Variants in NTRK3 observed in about 807,000 individuals in gnomAD.
NTRK3 encodes the protein NT-3 growth factor receptor.
Under a neutral mutation model 91.7 loss-of-function variants are expected in NTRK3, and 24 were observed. The ratio of observed to expected loss-of-function variants is 0.26; its 90% confidence interval spans 0.19 to 0.37. The LOEUF (loss-of-function observed/expected upper bound fraction) is 0.37, where lower values mean the gene tolerates loss of function less well. Among genes scored for constraint, NTRK3 ranks in the 10% least tolerant of loss-of-function variants. The probability of loss-of-function intolerance (pLI) is 1.00; values close to 1 mark genes in which losing one functional copy is unlikely to be tolerated. For synonymous variants in NTRK3, 483 were observed against 404.0 expected (o/e 1.20, Z -2.34); for missense variants, 880 against 1,068.9 (o/e 0.82, Z 2.46).
intron 5 of NTRK3, among the ~76,000 whole-genome samples, chr15:88,175,286 C>G (rs1277115895): frequency 6.6e-6 from 1 of 152,162 alleles, no homozygotes; most frequent in Non-Finnish European, 1.5e-5. Flanking sequence ...ACAGTAACAT[C>G]CTTTGCCCCA....
chr15:88,000,280 T>C (rs1446068446), intron 14 of NTRK3, among the ~76,000 whole-genome samples: 1 of 152,230 alleles, frequency 6.6e-6, no homozygotes, highest in Non-Finnish European at 1.5e-5. Context: ...ACTGTCATGC[T>C]GGCCCCAGCC....
chr15:87,962,177 G>T (rs1215611494), intron 14 of NTRK3, among the ~76,000 whole-genome samples: 2 of 152,150 alleles, frequency 1.3e-5, no homozygotes, highest in African/African-American at 4.8e-5. Context: ...TGTTGCCATT[G>T]GATCTTGATC....
At chr15:88,197,117 A>AAC (rs1567627718) in intron 3 of NTRK3, among the ~76,000 whole-genome samples, 1 of 130,678 alleles carries the variant, frequency 7.7e-6, no homozygotes, top group East Asian at 2.0e-4. Flanking sequence ...AAAAAAAAAA[A>AAC]AAAAAAAAAA....
At chr15:88,144,013 C>T (rs752385156) in intron 6 of NTRK3, 5 of 152,202 alleles carry the variant, frequency 3.3e-5, no homozygotes, top group African/African-American at 4.8e-5. Flanking sequence ...GGTCTACATC[C>T]TCTGAGACCT....
At chr15:88,193,609 G>A (rs549369783) in intron 3 of NTRK3, among the ~76,000 whole-genome samples, 140 of 152,268 alleles carry the variant, frequency 9.2e-4, no homozygotes, top group African/African-American at 3.2e-3. Flanking sequence ...TGCAAATAGT[G>A]ACCACTAGGC....
chr15:87,994,187 A>G (rs1296465177), intron 14 of NTRK3, among the ~76,000 whole-genome samples: 1 of 152,128 alleles, frequency 6.6e-6, no homozygotes, highest in Non-Finnish European at 1.5e-5. Flanking sequence ...AGCGGGAGAC[A>G]TTCCATGTGG....
intron 10 of NTRK3, among the ~76,000 whole-genome samples, chr15:88,134,553 C>T (rs1287854898): frequency 6.6e-6 from 1 of 152,180 alleles, no homozygotes; most frequent in Non-Finnish European, 1.5e-5. Context: ...TGTCACAGAT[C>T]AGCAAGTAGA....
chr15:87,927,595 G>A (rs778266224), intron 17 of NTRK3: 1 of 152,204 alleles, frequency 6.6e-6, no homozygotes, highest in East Asian at 1.9e-4. Context: ...CAGCCCCAAG[G>A]TAATGGTGTT....
At chr15:88,067,763 G>A (rs1463029591) in intron 13 of NTRK3, among the ~76,000 whole-genome samples, 2 of 152,126 alleles carry the variant, frequency 1.3e-5, no homozygotes, top group Admixed American at 6.5e-5. Context: ...TCTTATTTGA[G>A]CTCTCAGTCT....
chr15:87,956,467 T>G (rs961996563), intron 14 of NTRK3, among the ~76,000 whole-genome samples: 37 of 152,026 alleles, frequency 2.4e-4, no homozygotes, highest in Admixed American at 3.9e-4. Flanking sequence ...AGAGACGGGG[T>G]TTTGCCATGT....
rs1489090682 is a variant in NTRK3, at chr15:88,109,958, T to C, written c.1396+16313A>G. ...GCTGGGGACTAAGCTAATTGCTTTA[T>C]ATACACAATTTCATTTAATTCTCAT... On this transcript the variant is annotated intron_variant, in intron 13 of 18. Coordinates refer to ENST00000394480, the Ensembl canonical transcript of NTRK3. 3.3e-5 allele frequency among the ~76,000 whole-genome samples: 5 copies of C among 152,190 alleles called. No homozygotes were observed. The South Asian group carries it at 6.2e-4, about 19-fold the overall frequency.
chr15:87,985,864 C>G (rs963225830), intron 14 of NTRK3, among the ~76,000 whole-genome samples: 6 of 151,672 alleles, frequency 4.0e-5, no homozygotes, highest in Non-Finnish European at 8.8e-5. Flanking sequence ...GGCTCTAACT[C>G]AAAAAAAGGG....
At chr15:88,245,402 A>G (rs1278853564) in intron 3 of NTRK3, among the ~76,000 whole-genome samples, 1 of 152,226 alleles carries the variant, frequency 6.6e-6, no homozygotes, top group Non-Finnish European at 1.5e-5. Flanking sequence ...TAATGTGCCT[A>G]AGCCTATACC....
chr15:87,991,714 C>T (rs2075299655), intron 14 of NTRK3, among the ~76,000 whole-genome samples: 1 of 152,132 alleles, frequency 6.6e-6, no homozygotes. Flanking sequence ...CTTTCTAATT[C>T]CCCATATCAA....
At chr15:88,189,034 C>G (rs558852747) in intron 3 of NTRK3, among the ~76,000 whole-genome samples, 1 of 152,170 alleles carries the variant, frequency 6.6e-6, no homozygotes, top group African/African-American at 2.4e-5. Context: ...CTTTTCCAGA[C>G]GGAGGGAGAC....
At chr15:88,062,027 A>AT (rs1397710896) in intron 13 of NTRK3, among the ~76,000 whole-genome samples, 1 of 152,232 alleles carries the variant, frequency 6.6e-6, no homozygotes, top group Non-Finnish European at 1.5e-5. Context: ...AATCATACAA[A>AT]TTTTTTAAAA....
chr15:87,928,853 C>CTG, intron 17 of NTRK3: 1 of 490,012 alleles, frequency 2.0e-6, no homozygotes, highest in Admixed American at 3.6e-5. Context: ...TTGGGTGTGT[C>CTG]TGTGTGTGTG....
rs140071418 is a variant in NTRK3, at chr15:87,978,598, G to A, written c.1586-37845C>T. ...CGGAACTGCAGATCTAAGGGCCCAGGAAGAGCCTGGAGAAACTCTCCTCTG... is the reference window on the plus strand; with the variant it reads ...CGGAACTGCAGATCTAAGGGCCCAGAAAGAGCCTGGAGAAACTCTCCTCTG... On this transcript the variant is annotated intron_variant, in intron 14 of 18. Transcript: ENST00000394480. 3.1e-3 allele frequency: 723 copies of A among 230,724 alleles called. 11 individuals carry two copies. In the East Asian group the frequency reaches 0.042, roughly 13 times the overall value. The allele number at this position is 230,724 out of a possible 1,614,324, so 14.3% of individuals were successfully genotyped here.
chr15:88,215,539 A>C (rs1218754691), intron 3 of NTRK3, among the ~76,000 whole-genome samples: 1 of 152,248 alleles, frequency 6.6e-6, no homozygotes, highest in Non-Finnish European at 1.5e-5. Context: ...AAGCATCAAC[A>C]GGCAGCTCAG....
Sources: gnomAD v4.1 joint callset for allele counts (sites outside exome capture counted in the v4.1 genomes callset) on GRCh38, gnomAD v4.1.1 for gene constraint, MANE v1.5 for transcripts, NCBI Gene and HGNC (gene_info 2026-07-23, HGNC 2026-07-21) for gene names.